Variants in KLHL35 observed in about 807,000 individuals in gnomAD.
KLHL35 encodes the protein kelch-like protein 35.
KLHL35 carries 50 observed loss-of-function variants against 44.0 expected under a neutral mutation model. That is an observed-to-expected ratio of 1.14 (90% CI 0.91 to 1.44). The LOEUF (loss-of-function observed/expected upper bound fraction) is 1.44, where lower values mean the gene tolerates loss of function less well. Among genes scored for constraint, KLHL35 ranks in the 40% most tolerant of loss-of-function variants. The probability of loss-of-function intolerance (pLI) is 0.00; values close to 1 mark genes in which losing one functional copy is unlikely to be tolerated. For missense variants in KLHL35, 1,049 were observed against 887.8 expected, an observed-to-expected ratio of 1.18 and a Z score of -2.31; for synonymous variants, 470 against 410.4, an observed-to-expected ratio of 1.15 and a Z score of -1.76.
rs756257859 is a variant in KLHL35, at chr11:75,426,630, T to C, written c.1075A>G (p.Ile359Val). The C allele has an allele frequency of 5.7e-6, 9 of 1,592,284 alleles. No individual in the cohort carries two copies. The highest frequency in any genetic ancestry group is 1.7e-6 in the Non-Finnish European group (2 of 1,170,508). The change falls in exon 4 of 7, where the codon ATC becomes GTC. Residue 359 changes from isoleucine to valine, a missense_variant. Physicochemically the swap from Ile to Val is conservative, Grantham distance 29 (BLOSUM62 3). Coordinates refer to ENST00000539798, the MANE Select transcript of KLHL35 (RefSeq NM_001039548.3). The part of the protein sequence containing the change: ...RNDVYVSGGH[I>V]NSHDVWMFSS... Reference sequence around the variant, plus strand: ...AACATCCACACATCATGACTGTTGATGTGGCCTCCTAGGGAGAGAGAAGCA... The same window carrying C: ...AACATCCACACATCATGACTGTTGACGTGGCCTCCTAGGGAGAGAGAAGCA...
chr11:75,429,319 G>A (rs1948514725), intron 2 of KLHL35, among the ~76,000 whole-genome samples: 1 of 152,218 alleles, frequency 6.6e-6, no homozygotes, highest in Non-Finnish European at 1.5e-5. Context: ...CTGGGGGCAT[G>A]ATTAAGGGCT....
chr11:75,423,935 C>T, intron 5 of KLHL35, 55 bp from the exon 6 acceptor site: 1 of 1,364,398 alleles, frequency 7.3e-7, no homozygotes, highest in Non-Finnish European at 1.0e-6. Context: ...AACAAATGCC[C>T]CACCGCCCAC....
chr11:75,430,977 T>A (rs1473233643), intron 1 of KLHL35, among the ~76,000 whole-genome samples: 1 of 152,170 alleles, frequency 6.6e-6, no homozygotes, highest in African/African-American at 2.4e-5. Flanking sequence ...CGTTAGGGAC[T>A]CCAGTAGGAG....
Position 75,429,874 on chromosome 11 carries a change from G to T in KLHL35, c.756C>A (p.Phe252Leu). 6.6e-7 allele frequency: 1 copy of T among 1,520,866 alleles called. No homozygotes were observed. Among genetic ancestry groups the T allele is most frequent in the Non-Finnish European group, 8.7e-7 (1 of 1,144,542 alleles). 94.2% of individuals were successfully genotyped at this position (1,520,866 alleles called of 1,614,324 possible). A position where few individuals can be genotyped will look rare whatever the true frequency, so the allele number is the denominator to read the frequency against. Residue 252 changes from phenylalanine (F) to leucine (L), a missense_variant, in exon 2 of 7, where the codon TTC (phenylalanine) becomes TTA (leucine). Coordinates refer to ENST00000539798, the MANE Select transcript of KLHL35 (RefSeq NM_001039548.3). Reference protein sequence around the residue: ...VRLPLLAPAYFLEKVEADELL... With the variant: ...VRLPLLAPAYLLEKVEADELL... ...GCTCGTCCGCCTCCACCTTCTCCAG[G>T]AAGTAAGCGGGCGCCAGTAGCGGCA...
intron 3 of KLHL35, 46 bp downstream of exon 3, chr11:75,428,396 C>A: frequency 2.5e-6 from 4 of 1,602,892 alleles, no homozygotes; most frequent in Non-Finnish European, 3.4e-6. Context: ...AGTGCGGAGG[C>A]TACTAGTCAA....
chr11:75,423,288 A>G (rs1441621747), intron 6 of KLHL35: 1 of 197,908 alleles, frequency 5.1e-6, no homozygotes, highest in Non-Finnish European at 1.0e-5. Context: ...CAGGGGCCAG[A>G]GCTTCCAGGA....
In KLHL35 at chr11:75,430,601, G is replaced by A. The variant is rs1280088951; in HGVS notation, c.29C>T (p.Ser10Leu). 4 of 1,415,126 alleles carry A rather than the reference G, an allele frequency of 2.8e-6. No homozygotes were observed. The highest frequency in any genetic ancestry group is 1.8e-6 in the Non-Finnish European group (2 of 1,087,342). 87.7% of individuals were successfully genotyped at this position (1,415,126 alleles called of 1,614,324 possible). The change falls in exon 2 of 7, where the codon TCG becomes TTG. Residue 10 changes from serine to leucine, a missense_variant. By Grantham distance (145) the Ser-to-Leu change is moderately radical. Coordinates refer to ENST00000539798, the MANE Select transcript of KLHL35 (RefSeq NM_001039548.3). ...GCACGGCGCTTCGCAGCCCGGCTCC[G>A]ACTCCTCCGGCGCATGGCCTTGCCG... The part of the protein sequence containing the change: MRQGHAPEE[S>L]EPGCEAPCAG...
At position 75,428,642 on chromosome 11, in the gene KLHL35, G is replaced by A. The variant is rs201037060; in HGVS notation, c.882-16C>T. ...GTCCATGAATCTGGCGTGCGGATAA[G>A]CCCAGTGCCTGTTGGGCCGCACCCA... On this transcript the variant is annotated splice_polypyrimidine_tract_variant and intron_variant, in intron 2 of 6. Coordinates refer to ENST00000539798, the MANE Select transcript of KLHL35 (RefSeq NM_001039548.3). The A allele has an allele frequency of 5.3e-4, 831 of 1,557,668 alleles. No individual in the cohort carries two copies. Among genetic ancestry groups the A allele is most frequent in the African/African-American group, 2.0e-3 (147 of 73,892 alleles).
Position 75,428,466 on chromosome 11 carries a change from G to A in KLHL35, c.1042C>T (p.Leu348Phe), listed in dbSNP as rs201156914. Residue 348 changes from leucine to phenylalanine, a missense_variant, in exon 3 of 7, where the codon CTC becomes TTC. Leu to Phe is a conservative substitution (Grantham distance 22). Coordinates refer to ENST00000539798, the MANE Select transcript of KLHL35 (RefSeq NM_001039548.3). ...YTRSEFAACA[L>F]RNDVYVSGGH... is the part of the protein sequence containing the mutation. ...CCGGAGACGTAGACGTCATTGCGGA[G>A]AGCACAGGCGGCGAATTCTGAGCGA... 1.4e-4 allele frequency: 232 copies of A among 1,612,416 alleles called. No individual in the cohort carries two copies. Among genetic ancestry groups the A allele is most frequent in the Admixed American group, 1.3e-4 (8 of 60,000 alleles).
At position 75,430,482 on chromosome 11, in the gene KLHL35, G is replaced by T. The variant is rs1948527567; in HGVS notation, c.148C>A (p.Arg50Ser). Residue 50 changes from arginine to serine, a missense_variant, in exon 2 of 7, where the codon CGC (arginine) becomes AGC (serine). By Grantham distance (110) the Arg-to-Ser change is moderately radical (BLOSUM62 -1). Coordinates refer to ENST00000539798, the MANE Select transcript of KLHL35 (RefSeq NM_001039548.3). ...GCCGCGCGGTGGCACGGAAAGTCGC[G>T]CCCGCCGGCGCGCAGCACCACGTCG... Reference protein sequence around the residue: ...LTDVVLRAGGRDFPCHRAALS... With the variant: ...LTDVVLRAGGSDFPCHRAALS... 1.4e-6 allele frequency: 2 copies of T among 1,403,814 alleles called. No homozygotes were observed. The highest frequency in any genetic ancestry group is 1.8e-6 in the Non-Finnish European group (2 of 1,082,492). 87.0% of individuals were successfully genotyped at this position (1,403,814 alleles called of 1,614,324 possible).
intron 4 of KLHL35, chr11:75,426,164 C>T (rs1948490541): frequency 1.2e-5 from 2 of 167,116 alleles, no homozygotes; most frequent in South Asian, 3.1e-4. Flanking sequence ...ACCGTGTTAG[C>T]CAGGATGGTC....
chr11:75,424,040 C>T, intron 5 of KLHL35, 160 bp from the exon 6 acceptor site: 1 of 611,928 alleles, frequency 1.6e-6, no homozygotes, highest in Non-Finnish European at 2.9e-6. Context: ...AGGGGGAGGT[C>T]CACCGTCCCT....
intron 1 of KLHL35, among the ~76,000 whole-genome samples, 71 bp downstream of exon 1, chr11:75,432,972 C>G (rs2135087876): frequency 6.6e-6 from 1 of 152,342 alleles, no homozygotes; most frequent in Middle Eastern, 3.4e-3. Flanking sequence ...CTCCCCATCT[C>G]AGACTTGCGG....
intron 5 of KLHL35, chr11:75,424,970 ATT>A (rs1030619639): frequency 2.4e-5 from 4 of 167,734 alleles, no homozygotes; most frequent in African/African-American, 9.5e-5. Flanking sequence ...ACAAAAATCA[ATT>A]CAGTGGAAGC....
At chr11:75,426,201 C>CT (rs139395750) in intron 4 of KLHL35, 54,495 of 184,724 alleles carry the variant, frequency 0.3, 9,142 homozygotes, top group Non-Finnish European at 0.38. Context: ...GTGATCCGCC[C>CT]GCCTTGGCCT....
chr11:75,428,393 A>G, intron 3 of KLHL35, 49 bp downstream of exon 3: 3 of 1,593,988 alleles, frequency 1.9e-6, no homozygotes, highest in Non-Finnish European at 2.6e-6. Flanking sequence ...TGGAGTGCGG[A>G]GGCTACTAGT....
At chr11:75,422,967 CTT>C (rs760401182) in intron 6 of KLHL35, 199 bp from the exon 7 acceptor site, 108 of 580,792 alleles carry the variant, frequency 1.9e-4, no homozygotes, top group Non-Finnish European at 3.0e-4. Context: ...AGGCAAGTCA[CTT>C]AACCTCTCTG....
intron 4 of KLHL35, chr11:75,426,252 G>C: frequency 3.8e-6 from 1 of 266,214 alleles, no homozygotes; most frequent in South Asian, 9.1e-5. Context: ...CCGGCCGACA[G>C]ATTCTTTTAT....
chr11:75,432,616 C>G (rs375897797), intron 1 of KLHL35, among the ~76,000 whole-genome samples: 2 of 152,164 alleles, frequency 1.3e-5, no homozygotes, highest in East Asian at 3.9e-4. Context: ...AAGCAGCTCC[C>G]TGGGGGAGAA....
Sources: allele counts gnomAD v4.1 joint callset (sites outside exome capture counted in the v4.1 genomes callset), GRCh38; gene constraint gnomAD v4.1.1; transcripts MANE v1.5; gene names NCBI Gene and HGNC (gene_info 2026-07-23, HGNC 2026-07-21).